Variants in PDE4D observed in about 807,000 individuals in gnomAD.
PDE4D encodes phosphodiesterase 4D.
A neutral mutation model predicts 87.4 loss-of-function variants in PDE4D; 24 were observed. That is an observed-to-expected ratio of 0.27 (90% CI 0.20 to 0.39). PDE4D has a LOEUF of 0.39. Among genes scored for constraint, PDE4D ranks in the 10% least tolerant of loss-of-function variants. PDE4D has a pLI of 1.00. For synonymous variants in PDE4D, 384 were observed against 383.2 expected, an observed-to-expected ratio of 1.00 and a Z score of -0.02; for missense variants, 714 against 1,041.0, an observed-to-expected ratio of 0.69 and a Z score of 4.32.
At chr5:59,790,599 G>A (rs1430749732) in intron 1 of PDE4D, among the ~76,000 whole-genome samples, 1 of 152,134 alleles carries the variant, frequency 6.6e-6, no homozygotes, top group Non-Finnish European at 1.5e-5. Context: ...ACTCACCTCA[G>A]AACCTACGGA....
intron 1 of PDE4D, among the ~76,000 whole-genome samples, chr5:60,288,308 G>C (rs1752600159): frequency 6.6e-6 from 1 of 152,150 alleles, no homozygotes; most frequent in South Asian, 2.1e-4. Context: ...CCATGGTGGT[G>C]GTCAGCTTCT....
chr5:59,064,246 T>C (rs978276111), intron 5 of PDE4D, among the ~76,000 whole-genome samples: 7 of 152,124 alleles, frequency 4.6e-5, no homozygotes, highest in Admixed American at 4.6e-4. Flanking sequence ...TTCTGCCCCC[T>C]TCAAAATATT....
intron 2 of PDE4D, among the ~76,000 whole-genome samples, chr5:60,090,530 G>A (rs775126325): frequency 1.3e-5 from 2 of 151,928 alleles, no homozygotes; most frequent in Admixed American, 6.5e-5. Flanking sequence ...AATATACCTC[G>A]AAACAATAAA....
In PDE4D at chr5:59,572,671, G is replaced by A. The variant is rs527684890; in HGVS notation, c.455+320497C>T. Among the ~76,000 whole-genome samples the A allele has an allele frequency of 2.6e-5, 4 of 152,170 alleles. No individual in the cohort carries two copies. In the East Asian group the frequency reaches 7.7e-4, roughly 29 times the overall value. On this transcript the variant is annotated intron_variant, in intron 1 of 14. Transcript: ENST00000340635. ...AATTTTTTGTATTTTTAGTAGAGAC[G>A]GGGCTTCACCATATTAGCCAAGATG... is the stretch of plus-strand genomic sequence containing the variant.
At chr5:59,113,191 C>T (rs536114779) in intron 5 of PDE4D, among the ~76,000 whole-genome samples, 1 of 152,296 alleles carries the variant, frequency 6.6e-6, no homozygotes, top group East Asian at 1.9e-4. Flanking sequence ...AGATACAAGG[C>T]ATCTTCACTA....
chr5:59,829,730 A>G (rs559982912), intron 1 of PDE4D, among the ~76,000 whole-genome samples: 21 of 152,208 alleles, frequency 1.4e-4, no homozygotes, highest in Non-Finnish European at 2.2e-4. Flanking sequence ...ATCTAATTAT[A>G]CAATGATCCC....
At chr5:59,650,950 T>C (rs960530589) in intron 1 of PDE4D, among the ~76,000 whole-genome samples, 2 of 152,148 alleles carry the variant, frequency 1.3e-5, no homozygotes, top group Non-Finnish European at 2.9e-5. Flanking sequence ...ATTAATAAAC[T>C]TTTATTTTAT....
At chr5:60,135,945 T>C (rs1017220854) in intron 2 of PDE4D, among the ~76,000 whole-genome samples, 1 of 152,178 alleles carries the variant, frequency 6.6e-6, no homozygotes, top group Non-Finnish European at 1.5e-5. Flanking sequence ...CTCATAATAA[T>C]CATTAATGTT....
intron 1 of PDE4D, among the ~76,000 whole-genome samples, chr5:59,539,287 C>G (rs1257079713): frequency 6.6e-6 from 1 of 151,996 alleles, no homozygotes; most frequent in Non-Finnish European, 1.5e-5. Context: ...TTGTCTATGC[C>G]CTTAGCTATC....
chr5:59,937,261 A>G (rs1756698778), intron 3 of PDE4D, among the ~76,000 whole-genome samples: 2 of 152,200 alleles, frequency 1.3e-5, no homozygotes. Context: ...TCAATGAGGA[A>G]TTAGAGATAG....
chr5:60,230,413 C>T (rs1386149271), intron 1 of PDE4D, among the ~76,000 whole-genome samples: 1 of 152,068 alleles, frequency 6.6e-6, no homozygotes, highest in Non-Finnish European at 1.5e-5. Flanking sequence ...ATGTCCTTTG[C>T]AAAGTGGAAA....
At chr5:59,644,014 T>C (rs298028) in intron 1 of PDE4D, among the ~76,000 whole-genome samples, 111,638 of 152,032 alleles carry the variant, frequency 0.73, 41,577 homozygotes, top group South Asian at 0.91. Flanking sequence ...ATGCATGAGA[T>C]AGAGTCTAGA....
At chr5:59,788,139 A>G (rs1488583040) in intron 1 of PDE4D, among the ~76,000 whole-genome samples, 1 of 152,238 alleles carries the variant, frequency 6.6e-6, no homozygotes, top group East Asian at 1.9e-4. Context: ...TAAGATAGAC[A>G]TCATGGAAGA....
At chr5:59,148,715 A>G (rs1779019295) in intron 5 of PDE4D, among the ~76,000 whole-genome samples, 1 of 151,956 alleles carries the variant, frequency 6.6e-6, no homozygotes. Context: ...ATAAAGATCT[A>G]CTGGAAATAA....
chr5:59,948,290 C>A (rs1383099865), intron 3 of PDE4D, among the ~76,000 whole-genome samples: 1 of 152,186 alleles, frequency 6.6e-6, no homozygotes, highest in South Asian at 2.1e-4. Context: ...ATTTACATAA[C>A]AATAAGCTAA....
chr5:59,415,485 G>A (rs980862657), intron 1 of PDE4D, among the ~76,000 whole-genome samples: 1 of 152,092 alleles, frequency 6.6e-6, no homozygotes, highest in Non-Finnish European at 1.5e-5. Flanking sequence ...TTGAAAGGGG[G>A]TTAGTATGAC....
At chr5:59,593,342 T>C (rs1583247080) in intron 1 of PDE4D, among the ~76,000 whole-genome samples, 1 of 149,876 alleles carries the variant, frequency 6.7e-6, no homozygotes, top group Non-Finnish European at 1.5e-5. Context: ...AAAAGAGAAA[T>C]GTTGTAAGAA....
chr5:59,588,858 C>G (rs1825557273), intron 1 of PDE4D, among the ~76,000 whole-genome samples: 1 of 152,204 alleles, frequency 6.6e-6, no homozygotes, highest in Admixed American at 6.5e-5. Context: ...GACTAAATCT[C>G]TTCCATAAGG....
At chr5:60,045,724 G>A (rs374398626) in intron 2 of PDE4D, among the ~76,000 whole-genome samples, 2 of 152,174 alleles carry the variant, frequency 1.3e-5, no homozygotes, top group Admixed American at 6.5e-5. Flanking sequence ...TGATCTATAT[G>A]TCTGTTTTGG....
Sources: gnomAD v4.1 joint callset for allele counts (sites outside exome capture counted in the v4.1 genomes callset) on GRCh38, gnomAD v4.1.1 for gene constraint, MANE v1.5 for transcripts, NCBI Gene and HGNC (gene_info 2026-07-23, HGNC 2026-07-21) for gene names.